The following UBC variants were observed in gnomAD, a reference collection of about 807,000 sequenced individuals.
UBC encodes the protein ubiquitin C.
UBC carries 8 observed loss-of-function variants against 34.7 expected under a neutral mutation model. The observed-to-expected ratio is 0.23, with a 90% confidence interval of 0.14 to 0.42. The LOEUF (loss-of-function observed/expected upper bound fraction) is 0.42. Ranked by LOEUF, UBC falls within the 10% of genes least tolerant of loss-of-function variation. UBC has a pLI of 1.00. For missense variants in UBC, 323 were observed against 750.3 expected (o/e 0.43, Z 6.65); for synonymous variants, 367 against 299.8 (o/e 1.22, Z -2.32).
At position 124,913,786 on chromosome 12, in the gene UBC, G is replaced by C. The variant is rs761615152; in HGVS notation, c.-3-12C>G. ...AAGATCTGCATTGTCTAACAAAAAA[G>C]CCAAAAACGGCCAGAATTTAGCGGA... On this transcript the variant is annotated splice_polypyrimidine_tract_variant and intron_variant, in intron 1 of 1. Transcript: ENST00000339647. The C allele has an allele frequency of 1.2e-6, 2 of 1,611,628 alleles. No individual in the cohort carries two copies. The highest frequency in any genetic ancestry group is 2.2e-5 in the South Asian group (2 of 90,958).
rs1387841368 is a variant in UBC at position 124,913,531 on chromosome 12, C to G, written c.241G>C (p.Val81Leu). 1.2e-6 allele frequency: 2 copies of G among 1,610,612 alleles called. No homozygotes were observed. The highest frequency in any genetic ancestry group is 2.7e-5 in the African/African-American group (2 of 74,122). ...LRLRGGMQIF[V>L]KTLTGKTITL... Reference sequence around the variant, plus strand: ...ATGGTCTTGCCAGTGAGTGTCTTCACGAAGATTTGCATCCCACCTCTGAGA... The same window carrying G: ...ATGGTCTTGCCAGTGAGTGTCTTCAGGAAGATTTGCATCCCACCTCTGAGA... Residue 81 changes from valine (V) to leucine (L), a missense_variant, in exon 2 of 2, where the codon GTG becomes CTG. Val to Leu is a conservative substitution (Grantham distance 32). Around this residue, in one of 5 missense-constraint regions of UBC, gnomAD observed 202 missense variants for 361.9 expected, o/e 0.56. Transcript: ENST00000339647.
chr12:124,914,296 A>T, intron 1 of UBC: 1 of 173,374 alleles, frequency 5.8e-6, no homozygotes, highest in Non-Finnish European at 1.3e-5. Context: ...AGCCCATCTC[A>T]CCCGAATAAG....
rs531846010 is a variant in UBC at position 124,912,848 on chromosome 12, G to A, written c.924C>T (p.Phe308=). Residue 308 remains phenylalanine (F), a synonymous_variant, in exon 2 of 2, where the codon TTC becomes TTT. Coordinates refer to ENST00000339647, the MANE Select transcript of UBC (RefSeq NM_021009.7). ...TGGTCTTACCAGTCAGGGTCTTCAC[G>A]AAGATCTGCATCCCACCTCTGAGAC... The part of the protein sequence containing the change: ...VLRLRGGMQI[F]VKTLTGKTIT... 6.4e-5 allele frequency: 103 copies of A among 1,608,890 alleles called. 1 individual carries two copies. In the South Asian group the frequency reaches 7.5e-4, roughly 12 times the overall value.
Position 124,913,277 on chromosome 12 carries a change from G to A in UBC, c.495C>T (p.Ile165=). The A allele has an allele frequency of 6.2e-7, 1 of 1,610,694 alleles. No homozygotes were observed. ...TGTCACTGGGCTCCACCTCGAGGGT[G>A]ATGGTCTTACCAGTCAGGGTCTTCA... ...IFVKTLTGKT[I]TLEVEPSDTI... The change falls in exon 2 of 2, where the codon ATC becomes ATT. Residue 165 remains isoleucine (I), a synonymous_variant. Transcript: ENST00000339647.
At chr12:124,914,072 G>GA in intron 1 of UBC, 1 of 437,070 alleles carries the variant, frequency 2.3e-6, no homozygotes, top group Non-Finnish European at 4.1e-6. Flanking sequence ...CTGCGACGGA[G>GA]AAAAGCCTAC....
At position 124,911,672 on chromosome 12, in the gene UBC, G is replaced by A. The variant is rs200766456; in HGVS notation, c.*42C>T. On this transcript the variant is annotated 3_prime_UTR_variant, in exon 2 of 2. Transcript: ENST00000339647. ...TGGGAATGCAACAACTTTATTGAAA[G>A]GAAAGTGCAATGAAATTTGTTGAAA... 2.5e-3 allele frequency: 3,697 copies of A among 1,479,110 alleles called. 6 individuals carry two copies. Among genetic ancestry groups the A allele is most frequent in the Non-Finnish European group, 3.2e-3 (3,412 of 1,074,246 alleles). 91.6% of individuals were successfully genotyped at this position (1,479,110 alleles called of 1,614,324 possible).
In UBC at chr12:124,914,627, C is replaced by T. The variant is rs1036360007; in HGVS notation, c.-44G>A. 1 of 151,792 alleles carries T rather than the reference C, an allele frequency of 6.6e-6. No individual in the cohort carries two copies. Among genetic ancestry groups the T allele is most frequent in the African/African-American group, 2.4e-5 (1 of 41,548 alleles). The allele number at this position is 151,792 out of a possible 1,614,324, so 9.4% of individuals were successfully genotyped here. On this transcript the variant is annotated 5_prime_UTR_variant, in exon 1 of 2. Coordinates refer to ENST00000339647, the MANE Select transcript of UBC (RefSeq NM_021009.7). ...GCGATCCACAAACAAGAACTGCGAC[C>T]CAAATCCCGGCTGCGACGGAACTAG...
chr12:124,912,551 C>CT lies in UBC; in HGVS notation c.1220dup (p.Ala408GlyfsTer12). The CT allele has an allele frequency of 6.4e-7, 1 of 1,551,946 alleles. No homozygotes were observed. The highest frequency in any genetic ancestry group is 8.7e-7 in the Non-Finnish European group (1 of 1,155,720). The stretch of plus-strand genomic sequence containing the variant: ...TGCCTTCCTTGTCTTGGATCTTTGC[C>CT]TTGACATTCTCAATGGTGTCACTCG... On this transcript the variant is annotated frameshift_variant, in exon 2 of 2. Coordinates refer to ENST00000339647, the MANE Select transcript of UBC (RefSeq NM_021009.7). LOFTEE classifies it high-confidence loss of function.
At chr12:124,913,981 C>T (rs965359463) in intron 1 of UBC, 6 of 732,204 alleles carry the variant, frequency 8.2e-6, no homozygotes, top group Admixed American at 3.0e-5. Context: ...GAGAAACTGA[C>T]GCCTCACTTA....
rs1473702730 is a variant in UBC, at chr12:124,914,646, G to A, written c.-63C>T. The A allele has an allele frequency of 6.6e-6, 1 of 152,398 alleles. No individual in the cohort carries two copies. Among genetic ancestry groups the A allele is most frequent in the African/African-American group, 2.4e-5 (1 of 41,480 alleles). The allele number at this position is 152,398 out of a possible 1,614,324, so 9.4% of individuals were successfully genotyped here. A position where few individuals can be genotyped will look rare whatever the true frequency, so the allele number is the denominator to read the frequency against. Reference sequence around the variant, plus strand: ...TGCGACCCAAATCCCGGCTGCGACGGAACTAGCTGTGCCACACCCGGCGCG... The same window carrying A: ...TGCGACCCAAATCCCGGCTGCGACGAAACTAGCTGTGCCACACCCGGCGCG... On this transcript the variant is annotated 5_prime_UTR_variant, in exon 1 of 2. Transcript: ENST00000339647.
rs1322413441 is a variant in UBC at position 124,911,824 on chromosome 12, T to G, written c.1948A>C (p.Arg650=). The change falls in exon 2 of 2, where the codon AGG becomes CGG. Residue 650 remains arginine (R), a synonymous_variant. Coordinates refer to ENST00000339647, the MANE Select transcript of UBC (RefSeq NM_021009.7). The part of the protein sequence containing the change: ...DKEGIPPDQQ[R]LIFAGKQLED... ...AGCTGTTTCCCAGCAAAGATCAACC[T>G]CTGCTGATCAGGAGGGATGCCTTCC... is the stretch of plus-strand genomic sequence containing the variant. 1 of 1,612,472 alleles carries G rather than the reference T, an allele frequency of 6.2e-7. No homozygotes were observed. Among genetic ancestry groups the G allele is most frequent in the Admixed American group, 1.7e-5 (1 of 59,844 alleles).
rs1234872052 is a variant in UBC at position 124,914,114 on chromosome 12, C to T, written c.-3-340G>A. ...CCTACCGGCAGGTGGCCCCACCCTGCATTATAAGCCAACAGAACGGGTGAC... is the reference window on the plus strand; with the variant it reads ...CCTACCGGCAGGTGGCCCCACCCTGTATTATAAGCCAACAGAACGGGTGAC... On this transcript the variant is annotated intron_variant, in intron 1 of 1. Coordinates refer to ENST00000339647, the MANE Select transcript of UBC (RefSeq NM_021009.7). The T allele has an allele frequency of 2.7e-5, 9 of 330,758 alleles. No individual in the cohort carries two copies. The East Asian group carries it at 6.5e-4, about 24-fold the overall frequency. The allele number at this position is 330,758 out of a possible 1,614,324, so 20.5% of individuals were successfully genotyped here. A position where few individuals can be genotyped will look rare whatever the true frequency, so the allele number is the denominator to read the frequency against.
chr12:124,913,034 C>T lies in UBC; in HGVS notation c.738G>A (p.Glu246=), dbSNP rs1243647113. The change falls in exon 2 of 2, where the codon GAG becomes GAA. Residue 246 remains glutamate, a synonymous_variant. Coordinates refer to ENST00000339647, the MANE Select transcript of UBC (RefSeq NM_021009.7). Reference sequence around the variant, plus strand: ...TGACGTTCTCGATAGTGTCACTGGGCTCGACCTCAAGGGTGATGGTCTTGC... The same window carrying T: ...TGACGTTCTCGATAGTGTCACTGGGTTCGACCTCAAGGGTGATGGTCTTGC... The part of the protein sequence containing the change: ...LTGKTITLEV[E]PSDTIENVKA... 2.5e-6 allele frequency: 4 copies of T among 1,611,222 alleles called. No individual in the cohort carries two copies. In the Admixed American group the frequency reaches 6.7e-5, roughly 27 times the overall value.
intron 1 of UBC, chr12:124,914,077 G>A (rs1953572186): frequency 1.2e-5 from 5 of 425,640 alleles, no homozygotes; most frequent in African/African-American, 2.0e-5. Context: ...ACGGAGAAAA[G>A]CCTACCGCAC....
At chr12:124,914,223 G>A (rs1953576626) in intron 1 of UBC, 1 of 200,874 alleles carries the variant, frequency 5.0e-6, no homozygotes, top group South Asian at 7.7e-5. Context: ...CCCCGCAACA[G>A]ACGACAAACC....
chr12:124,911,822 C>T lies in UBC; in HGVS notation c.1950G>A (p.Arg650=), dbSNP rs1312045786. Residue 650 remains arginine, a synonymous_variant, in exon 2 of 2, where the codon AGG becomes AGA. Coordinates refer to ENST00000339647, the MANE Select transcript of UBC (RefSeq NM_021009.7). ...CCAGCTGTTTCCCAGCAAAGATCAA[C>T]CTCTGCTGATCAGGAGGGATGCCTT... ...DKEGIPPDQQ[R]LIFAGKQLED... The T allele has an allele frequency of 5.0e-6, 8 of 1,612,766 alleles. No homozygotes were observed. In the East Asian group the frequency reaches 1.6e-4, roughly 31 times the overall value.
At position 124,912,681 on chromosome 12, in the gene UBC, T is replaced by C. The variant is rs1242018074; in HGVS notation, c.1091A>G (p.Asn364Ser). Residue 364 changes from asparagine (N) to serine (S), a missense_variant, in exon 2 of 2, where the codon AAC becomes AGC. Coordinates refer to ENST00000339647, the MANE Select transcript of UBC (RefSeq NM_021009.7). ...LEDGRTLSDY[N>S]IQKESTLHLV... ...GTGCAAGGTGGACTCTTTCTGGATG[T>C]TGTAGTCAGACAGGGTACGACCATC... is the stretch of plus-strand genomic sequence containing the variant. 1.2e-6 allele frequency: 2 copies of C among 1,610,688 alleles called. No individual in the cohort carries two copies. Among genetic ancestry groups the C allele is most frequent in the East Asian group, 2.2e-5 (1 of 44,780 alleles).
At position 124,913,973 on chromosome 12, in the gene UBC, G is replaced by A. The variant is rs149861231; in HGVS notation, c.-3-199C>T. ...AGATAGGTACATAAAACCGACCAGA[G>A]AAACTGACGCCTCACTTATCCCTCC... On this transcript the variant is annotated intron_variant, in intron 1 of 1. Coordinates refer to ENST00000339647, the MANE Select transcript of UBC (RefSeq NM_021009.7). 1.5e-3 allele frequency: 1,123 copies of A among 767,942 alleles called. 30 individuals carry two copies. The East Asian group carries it at 0.031, about 21-fold the overall frequency. The allele number at this position is 767,942 out of a possible 1,614,324, so 47.6% of individuals were successfully genotyped here.
chr12:124,913,529 C>T lies in UBC; in HGVS notation c.243G>A (p.Val81=). 6.2e-7 allele frequency: 1 copy of T among 1,610,686 alleles called. No individual in the cohort carries two copies. The highest frequency in any genetic ancestry group is 8.5e-7 in the Non-Finnish European group (1 of 1,178,856). Residue 81 remains valine, a synonymous_variant, in exon 2 of 2, where the codon GTG becomes GTA. Coordinates refer to ENST00000339647, the MANE Select transcript of UBC (RefSeq NM_021009.7). ...LRLRGGMQIF[V]KTLTGKTITL... Reference sequence around the variant, plus strand: ...TGATGGTCTTGCCAGTGAGTGTCTTCACGAAGATTTGCATCCCACCTCTGA... The same window carrying T: ...TGATGGTCTTGCCAGTGAGTGTCTTTACGAAGATTTGCATCCCACCTCTGA...
Sources: gnomAD v4.1 joint callset for allele counts on GRCh38, gnomAD v4.1.1 for gene constraint, gnomAD v4.1.1 regional missense constraint, MANE v1.5 for transcripts, NCBI Gene and HGNC (gene_info 2026-07-23, HGNC 2026-07-21) for gene names.